Variants in SEZ6L observed in about 807,000 individuals in gnomAD.
The protein encoded by SEZ6L is seizure 6-like protein.
In SEZ6L, 37 loss-of-function variants were observed where a neutral mutation model predicts 106.2. The observed-to-expected ratio is 0.35, with a 90% CI of 0.27 to 0.46. The LOEUF (loss-of-function observed/expected upper bound fraction) is 0.46, where lower values mean the gene tolerates loss of function less well. SEZ6L is among the 20% of genes least tolerant of loss of function. SEZ6L has a pLI of 1.00. For synonymous variants in SEZ6L, 541 were observed against 570.4 expected (o/e 0.95, Z 0.73); for missense variants, 1,172 against 1,332.8 (o/e 0.88, Z 1.88).
chr22:26,339,876 A>G (rs1241091516), intron 9 of SEZ6L, among the ~76,000 whole-genome samples: 1 of 152,194 alleles, frequency 6.6e-6, no homozygotes, highest in Non-Finnish European at 1.5e-5. Context: ...TCTTCTTACA[A>G]TGCAGCATTT....
chr22:26,195,928 G>T (rs575410135), intron 1 of SEZ6L, among the ~76,000 whole-genome samples: 2 of 152,152 alleles, frequency 1.3e-5, no homozygotes, highest in African/African-American at 2.4e-5. Flanking sequence ...AGATCTGATG[G>T]ATGAATAGGG....
intron 13 of SEZ6L, among the ~76,000 whole-genome samples, chr22:26,366,926 G>A (rs1283199680): frequency 6.6e-6 from 1 of 152,004 alleles, no homozygotes; most frequent in Non-Finnish European, 1.5e-5. Context: ...GGGATTGCAG[G>A]TATGAGCCAC....
At chr22:26,321,933 G>A (rs1199936607) in intron 9 of SEZ6L, among the ~76,000 whole-genome samples, 3 of 152,090 alleles carry the variant, frequency 2.0e-5, no homozygotes, top group Admixed American at 6.5e-5. Context: ...TGTTGATACC[G>A]TGGCCATGGC....
chr22:26,259,705 C>T (rs1471173018), intron 1 of SEZ6L, among the ~76,000 whole-genome samples: 2 of 152,162 alleles, frequency 1.3e-5, no homozygotes, highest in Non-Finnish European at 2.9e-5. Flanking sequence ...AAAGGAGGCA[C>T]CCATGCGGGG....
At chr22:26,360,233 A>G (rs2083568336) in intron 12 of SEZ6L, among the ~76,000 whole-genome samples, 1 of 152,180 alleles carries the variant, frequency 6.6e-6, no homozygotes, top group Non-Finnish European at 1.5e-5. Flanking sequence ...CCATTCTAGC[A>G]CTTAGCCTGG....
At chr22:26,345,207 G>C (rs1304747907) in intron 10 of SEZ6L, among the ~76,000 whole-genome samples, 2 of 152,182 alleles carry the variant, frequency 1.3e-5, no homozygotes, top group Non-Finnish European at 2.9e-5. Context: ...CCTGAATCAG[G>C]GTCCCTGGGG....
chr22:26,376,442 T>C (rs1450829842), intron 15 of SEZ6L, among the ~76,000 whole-genome samples: 3 of 151,976 alleles, frequency 2.0e-5, no homozygotes, highest in Non-Finnish European at 4.4e-5. Context: ...TTGAAAGTGA[T>C]CATGAGAAAC....
In SEZ6L at chr22:26,353,833, A is replaced by G. The variant is rs557335517; in HGVS notation, c.2599+2590A>G. On this transcript the variant is annotated intron_variant, in intron 12 of 16. Coordinates refer to ENST00000248933, the MANE Select transcript of SEZ6L (RefSeq NM_021115.5). ...AATTGTGATCTTGATTAGAACTTCA[A>G]AGTTCTAACCCACAGTATCTGTAAC... Among the ~76,000 whole-genome samples, 16 of 151,354 alleles carry G rather than the reference A, an allele frequency of 1.1e-4. No homozygotes were observed. In the South Asian group the frequency reaches 3.4e-3, roughly 32 times the overall value.
At chr22:26,266,170 C>G (rs547001114) in intron 1 of SEZ6L, among the ~76,000 whole-genome samples, 1 of 152,014 alleles carries the variant, frequency 6.6e-6, no homozygotes, top group Non-Finnish European at 1.5e-5. Context: ...GTGCTGCACT[C>G]GATTGCTGAG....
chr22:26,289,441 G>T (rs1370637372), intron 1 of SEZ6L, among the ~76,000 whole-genome samples: 2 of 152,240 alleles, frequency 1.3e-5, no homozygotes, highest in African/African-American at 4.8e-5. Context: ...ACCTCAGCAA[G>T]GTTCAAGGAC....
chr22:26,347,617 G>C (rs2083051835), intron 10 of SEZ6L, 102 bp from the exon 11 acceptor site: 3 of 973,336 alleles, frequency 3.1e-6, no homozygotes, highest in Admixed American at 3.5e-5. Context: ...CTCATTTCTA[G>C]AGGCTTTTTT....
intron 1 of SEZ6L, among the ~76,000 whole-genome samples, chr22:26,260,980 T>C (rs1045080955): frequency 8.5e-5 from 13 of 152,332 alleles, no homozygotes; most frequent in African/African-American, 3.1e-4. Flanking sequence ...TCCCTGATCA[T>C]TAGTGATGTT....
chr22:26,253,917 C>CT (rs1171158555), intron 1 of SEZ6L: 1 of 152,128 alleles, frequency 6.6e-6, no homozygotes, highest in East Asian at 1.9e-4. Context: ...AAGTTTTAGT[C>CT]TTAAAAATCT....
rs77386710 is a variant in SEZ6L, at chr22:26,272,702, T to C, written c.95-19704T>C. Among the ~76,000 whole-genome samples the C allele has an allele frequency of 3.5e-3, 528 of 152,320 alleles. 3 individuals carry two copies. Among genetic ancestry groups the C allele is most frequent in the African/African-American group, 0.012 (488 of 41,552 alleles). On this transcript the variant is annotated intron_variant, in intron 1 of 16. Transcript: ENST00000248933. Reference sequence around the variant, plus strand: ...GTAGTGAGTGTTTGTTGAATGACTATATGAGGGTATGGATGAATGAATGAA... The same window carrying C: ...GTAGTGAGTGTTTGTTGAATGACTACATGAGGGTATGGATGAATGAATGAA...
In SEZ6L at chr22:26,372,065, G is replaced by T. The variant is rs77280008; in HGVS notation, c.2795-1386G>T. Among the ~76,000 whole-genome samples the T allele has an allele frequency of 4.9e-3, 742 of 152,310 alleles. 7 individuals carry two copies. The highest frequency in any genetic ancestry group is 0.017 in the African/African-American group (687 of 41,570). On this transcript the variant is annotated intron_variant, in intron 13 of 16. Transcript: ENST00000248933. ...GGACCACCTGTGTGACCTTGAGTGAGCCCCCCTCCCTCTCTGACCTTGGTT... is the reference window on the plus strand; with the variant it reads ...GGACCACCTGTGTGACCTTGAGTGATCCCCCCTCCCTCTCTGACCTTGGTT...
At chr22:26,365,719 A>T (rs995416668) in intron 13 of SEZ6L, among the ~76,000 whole-genome samples, 153 bp downstream of exon 13, 8 of 151,970 alleles carry the variant, frequency 5.3e-5, no homozygotes, top group Non-Finnish European at 1.0e-4. Context: ...ACCAAAAAAA[A>T]AAAAATTAGT....
chr22:26,228,809 T>C (rs2078711271), intron 1 of SEZ6L, among the ~76,000 whole-genome samples: 1 of 152,314 alleles, frequency 6.6e-6, no homozygotes, highest in Middle Eastern at 3.4e-3. Context: ...CGGCTATTCA[T>C]TGGCTGCACC....
chr22:26,199,247 A>G (rs993678436), intron 1 of SEZ6L, among the ~76,000 whole-genome samples: 1 of 152,194 alleles, frequency 6.6e-6, no homozygotes, highest in Non-Finnish European at 1.5e-5. Flanking sequence ...GCAAAAATGA[A>G]GAACCATACC....
At chr22:26,174,610 A>G (rs1476374735) in intron 1 of SEZ6L, among the ~76,000 whole-genome samples, 1 of 152,176 alleles carries the variant, frequency 6.6e-6, no homozygotes, top group African/African-American at 2.4e-5. Flanking sequence ...AGACAGCATC[A>G]CACAACCCTG....
Sources: allele counts gnomAD v4.1 joint callset (sites outside exome capture counted in the v4.1 genomes callset), GRCh38; gene constraint gnomAD v4.1.1; transcripts MANE v1.5; gene names NCBI Gene and HGNC (gene_info 2026-07-23, HGNC 2026-07-21).